The following RSPO2 variants were observed in gnomAD, a reference collection of about 807,000 sequenced individuals.
RSPO2 encodes R-spondin-2.
A neutral mutation model predicts 30.9 loss-of-function variants in RSPO2; 14 were observed. The ratio of observed to expected loss-of-function variants is 0.45; its 90% CI spans 0.30 to 0.71. The LOEUF (loss-of-function observed/expected upper bound fraction) is 0.71. Among genes scored for constraint, RSPO2 ranks in the 30% least tolerant of loss-of-function variants. RSPO2 has a pLI of 0.08. For synonymous variants in RSPO2, 107 were observed against 96.4 expected, an observed-to-expected ratio of 1.11 and a Z score of -0.64; for missense variants, 264 against 301.9, an observed-to-expected ratio of 0.87 and a Z score of 0.93.
chr8:107,984,701 C>T lies in RSPO2; in HGVS notation c.283+4355G>A, dbSNP rs1475713018. On this transcript the variant is annotated intron_variant, in intron 3 of 5. Coordinates refer to ENST00000276659, the MANE Select transcript of RSPO2 (RefSeq NM_178565.5). The stretch of plus-strand genomic sequence containing the variant: ...GAAATACCCTTTGTTTTTAATGATG[C>T]AAGAGTGGAAGTAATGCTAGTTGGT... 2.0e-5 allele frequency among the ~76,000 whole-genome samples: 3 copies of T among 151,948 alleles called. No homozygotes were observed. The South Asian group carries it at 6.2e-4, about 32-fold the overall frequency.
At chr8:107,979,657 C>T (rs539368990) in intron 3 of RSPO2, among the ~76,000 whole-genome samples, 15 of 152,010 alleles carry the variant, frequency 9.9e-5, no homozygotes, top group Non-Finnish European at 5.9e-5. Context: ...CACATGTACC[C>T]TAAAACTTAA....
intron 3 of RSPO2, among the ~76,000 whole-genome samples, chr8:107,965,247 G>C (rs957470982): frequency 4.1e-4 from 63 of 152,216 alleles, no homozygotes; most frequent in African/African-American, 1.5e-3. Context: ...TGCCAATATT[G>C]GTTTAAGTAA....
chr8:107,945,448 C>A (rs1412752367), intron 5 of RSPO2, among the ~76,000 whole-genome samples: 1 of 151,758 alleles, frequency 6.6e-6, no homozygotes, highest in Non-Finnish European at 1.5e-5. Context: ...CGGGGTTTCA[C>A]CATGTTAGCC....
At chr8:107,945,439 G>A (rs1325577921) in intron 5 of RSPO2, among the ~76,000 whole-genome samples, 2 of 151,404 alleles carry the variant, frequency 1.3e-5, no homozygotes, top group Non-Finnish European at 2.9e-5. Flanking sequence ...TAGTAGAGAC[G>A]GGGTTTCACC....
At chr8:107,995,802 T>C (rs1814999871) in intron 2 of RSPO2, among the ~76,000 whole-genome samples, 1 of 152,076 alleles carries the variant, frequency 6.6e-6, no homozygotes, top group Admixed American at 6.6e-5. Context: ...CACTTCTCAT[T>C]TGAATAGTTA....
chr8:107,906,008 A>ACTACAAAG (rs2130253440), intron 5 of RSPO2, among the ~76,000 whole-genome samples: 1 of 152,164 alleles, frequency 6.6e-6, no homozygotes, highest in South Asian at 2.1e-4. Context: ...ATGAGATGCC[A>ACTACAAAG]CTACAAAGAT....
At chr8:107,944,880 C>A (rs938595282) in intron 5 of RSPO2, among the ~76,000 whole-genome samples, 3 of 151,996 alleles carry the variant, frequency 2.0e-5, no homozygotes, top group African/African-American at 7.3e-5. Flanking sequence ...AACAGAACTA[C>A]CTTATTTAAC....
intron 3 of RSPO2, chr8:107,983,631 A>T: frequency 1.9e-6 from 3 of 1,597,398 alleles, no homozygotes; most frequent in Non-Finnish European, 2.6e-6. Context: ...AGGAGCAGGC[A>T]ACCAAAATTG....
rs35774922 is a variant in RSPO2 at position 108,033,049 on chromosome 8, C to CAAAA, written c.95-43809_95-43806dup. Among the ~76,000 whole-genome samples the CAAAA allele has an allele frequency of 1.3e-3, 90 of 68,752 alleles. 1 individual carries two copies. Among genetic ancestry groups the CAAAA allele is most frequent in the African/African-American group, 5.1e-3 (84 of 16,312 alleles). 45.1% of individuals were successfully genotyped at this position (68,752 alleles called of 152,430 possible). On this transcript the variant is annotated intron_variant, in intron 2 of 5. Transcript: ENST00000276659. The stretch of plus-strand genomic sequence containing the variant: ...TGGGTGACAGAGCAAGACTCTGTCT[C>CAAAA]AAAAAAAAAAAAAAAAAAAAAAAAA...
In RSPO2 at chr8:108,065,468, G is replaced by T. The variant is rs751644784; in HGVS notation, c.94+17077C>A. Among the ~76,000 whole-genome samples the T allele has an allele frequency of 3.9e-5, 6 of 151,962 alleles. No individual in the cohort carries two copies. The Middle Eastern group carries it at 0.017, about 431-fold the overall frequency. ...CCTTTAATCCTCTCAATAGGCATTC[G>T]TGTGAATTAAATTTTTGACTTCACT... On this transcript the variant is annotated intron_variant, in intron 2 of 5. Transcript: ENST00000276659.
chr8:108,008,720 T>G (rs1380924353), intron 2 of RSPO2, among the ~76,000 whole-genome samples: 1 of 151,218 alleles, frequency 6.6e-6, no homozygotes, highest in East Asian at 1.9e-4. Flanking sequence ...GTTTGCTCAA[T>G]GTAAGTCTAT....
At chr8:108,011,141 A>AG (rs1351046935) in intron 2 of RSPO2, among the ~76,000 whole-genome samples, 2 of 149,458 alleles carry the variant, frequency 1.3e-5, no homozygotes, top group African/African-American at 4.9e-5. Context: ...CCAGAAAAAA[A>AG]AAAAAAAAAA....
At chr8:108,018,017 AT>A (rs1264951009) in intron 2 of RSPO2, among the ~76,000 whole-genome samples, 1 of 152,226 alleles carries the variant, frequency 6.6e-6, no homozygotes, top group East Asian at 1.9e-4. Flanking sequence ...TCATTCAGCA[AT>A]TCAGAAAAAC....
intron 5 of RSPO2, among the ~76,000 whole-genome samples, chr8:107,949,733 G>A (rs886983881): frequency 1.3e-5 from 2 of 152,190 alleles, no homozygotes; most frequent in African/African-American, 4.8e-5. Flanking sequence ...GGGAAGTTGA[G>A]AGGAGGCTAA....
intron 2 of RSPO2, among the ~76,000 whole-genome samples, chr8:108,079,280 CTAAT>C (rs900474461): frequency 8.6e-5 from 13 of 152,026 alleles, no homozygotes; most frequent in African/African-American, 1.9e-4. Context: ...GTGTTTGTGC[CTAAT>C]TAATTTTTTA....
chr8:107,917,510 G>T (rs1237699282), intron 5 of RSPO2, among the ~76,000 whole-genome samples: 2 of 152,104 alleles, frequency 1.3e-5, no homozygotes, highest in African/African-American at 4.8e-5. Flanking sequence ...AATAATCTGT[G>T]ATCCTATTTT....
intron 5 of RSPO2, among the ~76,000 whole-genome samples, chr8:107,954,669 G>T (rs1470064142): frequency 6.6e-6 from 1 of 151,874 alleles, no homozygotes; most frequent in Non-Finnish European, 1.5e-5. Flanking sequence ...GGAGTGCAGT[G>T]GCACGATCTT....
At chr8:108,015,280 C>T (rs1810847788) in intron 2 of RSPO2, among the ~76,000 whole-genome samples, 1 of 152,154 alleles carries the variant, frequency 6.6e-6, no homozygotes, top group African/African-American at 2.4e-5. Context: ...TCACCATTCT[C>T]CTGAGCAGGT....
intron 5 of RSPO2, among the ~76,000 whole-genome samples, chr8:107,956,625 G>A (rs145086682): frequency 3.3e-5 from 5 of 152,272 alleles, no homozygotes; most frequent in African/African-American, 1.2e-4. Context: ...GTTGCCTCTT[G>A]TTACACATGA....
Sources: allele counts gnomAD v4.1 joint callset (sites outside exome capture counted in the v4.1 genomes callset), GRCh38; gene constraint gnomAD v4.1.1; transcripts MANE v1.5; gene names NCBI Gene and HGNC (gene_info 2026-07-23, HGNC 2026-07-21).